Variants in PRMT8 observed in about 807,000 individuals in gnomAD.
The protein encoded by PRMT8 is protein arginine N-methyltransferase 8.
A neutral mutation model predicts 47.1 loss-of-function variants in PRMT8; 7 were observed. The ratio of observed to expected loss-of-function variants is 0.15; its 90% confidence interval spans 0.08 to 0.28. PRMT8 has a LOEUF of 0.28. Ranked by LOEUF, PRMT8 falls within the 10% of genes least tolerant of loss-of-function variation. PRMT8 has a pLI of 1.00. For synonymous variants in PRMT8, 188 were observed against 186.5 expected, an observed-to-expected ratio of 1.01 and a Z score of -0.07; for missense variants, 237 against 505.4, an observed-to-expected ratio of 0.47 and a Z score of 5.09.
intron 1 of PRMT8, among the ~76,000 whole-genome samples, chr12:3,466,719 T>C (rs984739581): frequency 6.6e-6 from 1 of 152,154 alleles, no homozygotes; most frequent in East Asian, 1.9e-4. Context: ...GTTTTATCAA[T>C]CTGTCAAAAC....
chr12:3,397,535 T>C (rs1447573112), intron 1 of PRMT8, among the ~76,000 whole-genome samples: 1 of 151,084 alleles, frequency 6.6e-6, no homozygotes, highest in African/African-American at 2.4e-5. Flanking sequence ...GGGTCAGGGG[T>C]CAGGGACCCA....
intron 1 of PRMT8, among the ~76,000 whole-genome samples, chr12:3,467,011 G>T (rs1030270060): frequency 6.6e-6 from 1 of 152,106 alleles, no homozygotes; most frequent in Non-Finnish European, 1.5e-5. Context: ...GCGGAGGCGG[G>T]TGGATCACGA....
At chr12:3,391,881 T>C (rs1411677062) in intron 1 of PRMT8, among the ~76,000 whole-genome samples, 5 of 152,188 alleles carry the variant, frequency 3.3e-5, no homozygotes, top group Non-Finnish European at 7.4e-5. Flanking sequence ...AGAGGGCAGA[T>C]AAATGCACTC....
chr12:3,426,901 G>A (rs1450398805), intron 1 of PRMT8, among the ~76,000 whole-genome samples: 1 of 152,046 alleles, frequency 6.6e-6, no homozygotes, highest in Admixed American at 6.5e-5. Flanking sequence ...AGGCTGGCTC[G>A]AGTTTTCCTT....
At chr12:3,407,006 G>T (rs1864378840) in intron 1 of PRMT8, among the ~76,000 whole-genome samples, 1 of 152,264 alleles carries the variant, frequency 6.6e-6, no homozygotes, top group East Asian at 1.9e-4. Context: ...AATTTATAAA[G>T]GAAAGAGGTT....
In PRMT8 at chr12:3,396,479, T is replaced by C. The variant is rs539753987; in HGVS notation, c.48+15037T>C. Among the ~76,000 whole-genome samples the C allele has an allele frequency of 2.6e-5, 4 of 152,310 alleles. No homozygotes were observed. In the South Asian group the frequency reaches 8.3e-4, roughly 32 times the overall value. On this transcript the variant is annotated intron_variant, in intron 1 of 9. Coordinates refer to the PRMT8 transcript ENST00000452611. ...TTTCTCCTTCACTTATGAAGCTTAG[T>C]TTGGCTGGATATGAAATTCTGGGTT... is the stretch of plus-strand genomic sequence containing the variant.
At chr12:3,518,230 C>T (rs961005644) in intron 1 of PRMT8, among the ~76,000 whole-genome samples, 2 of 152,020 alleles carry the variant, frequency 1.3e-5, no homozygotes, top group Admixed American at 6.6e-5. Context: ...TAAATCCTTA[C>T]CTAAACTTGA....
At chr12:3,432,389 A>C (rs1565406180) in intron 1 of PRMT8, among the ~76,000 whole-genome samples, 1 of 152,252 alleles carries the variant, frequency 6.6e-6, no homozygotes, top group Admixed American at 6.5e-5. Context: ...CAAGGAACTT[A>C]ACTCTCTTGT....
At chr12:3,381,360 A>G in exon 1 of PRMT8, 2 of 1,533,926 alleles carry the variant, frequency 1.3e-6, no homozygotes, top group Non-Finnish European at 1.7e-6. Context: ...TTTCTGCACC[A>G]GGGAGGCTTG....
At chr12:3,524,529 GT>G (rs1480621495) in intron 1 of PRMT8, among the ~76,000 whole-genome samples, 6 of 151,526 alleles carry the variant, frequency 4.0e-5, no homozygotes, top group Non-Finnish European at 2.9e-5. Context: ...TGTTTTGTGG[GT>G]TCTTATCAGC....
At chr12:3,588,120 C>G (rs1014615991) in intron 8 of PRMT8, among the ~76,000 whole-genome samples, 19 of 152,194 alleles carry the variant, frequency 1.2e-4, no homozygotes, top group Non-Finnish European at 5.9e-5. Flanking sequence ...CAGGTATCAG[C>G]AAGGTAGGCA....
At chr12:3,483,450 G>A (rs933808760) in intron 1 of PRMT8, among the ~76,000 whole-genome samples, 1 of 151,050 alleles carries the variant, frequency 6.6e-6, no homozygotes, top group Non-Finnish European at 1.5e-5. Flanking sequence ...AACCATGATA[G>A]TTTTTTTTTT....
rs1489877968 is a variant in PRMT8, at chr12:3,557,201, T to TC, written c.481+3490dup. Among the ~76,000 whole-genome samples, 1 of 151,926 alleles carries TC rather than the reference T, an allele frequency of 6.6e-6. No homozygotes were observed. Among genetic ancestry groups the TC allele is most frequent in the Admixed American group, 6.6e-5 (1 of 15,266 alleles). On this transcript the variant is annotated intron_variant, in intron 4 of 9. Coordinates refer to ENST00000382622, the MANE Select transcript of PRMT8 (RefSeq NM_019854.5). The surrounding 1 kb of genome is among the most constrained non-coding windows in gnomAD (Gnocchi z 4.7). ...TGTGTGACCATAGAGGCTCAGTGAG[T>TC]CCCATCCTTGCTGTTGTGTGATCTT... is the stretch of plus-strand genomic sequence containing the variant.
chr12:3,508,019 C>G lies in PRMT8; in HGVS notation c.75+16319C>G, dbSNP rs934216292. ...AATAGTCAGATCTGATTTTGGATCT[C>G]ACTTTCATCCCTGTGGGATTATAAA... On this transcript the variant is annotated intron_variant, in intron 1 of 9. Transcript: ENST00000382622. The surrounding 1 kb of genome is among the most constrained non-coding windows in gnomAD (Gnocchi z 4.9). Among the ~76,000 whole-genome samples, 1 of 152,140 alleles carries G rather than the reference C, an allele frequency of 6.6e-6. No homozygotes were observed. The highest frequency in any genetic ancestry group is 1.5e-5 in the Non-Finnish European group (1 of 68,018).
chr12:3,439,618 A>G (rs1326080366), intron 1 of PRMT8, among the ~76,000 whole-genome samples: 1 of 152,170 alleles, frequency 6.6e-6, no homozygotes, highest in Non-Finnish European at 1.5e-5. Context: ...TCACTATACA[A>G]TGTACACTTT....
intron 1 of PRMT8, among the ~76,000 whole-genome samples, chr12:3,439,747 TTA>T (rs1864779210): frequency 6.6e-6 from 1 of 152,198 alleles, no homozygotes; most frequent in Admixed American, 6.5e-5. Flanking sequence ...GGGCTCAACT[TTA>T]ACCTAACGGG....
intron 1 of PRMT8, among the ~76,000 whole-genome samples, chr12:3,412,390 C>G (rs1864440119): frequency 6.6e-6 from 1 of 152,206 alleles, no homozygotes. Flanking sequence ...GTGAACTTTA[C>G]AAACACTACA....
chr12:3,486,385 C>A (rs920388244), upstream of PRMT8, among the ~76,000 whole-genome samples: 3 of 152,156 alleles, frequency 2.0e-5, no homozygotes, highest in Non-Finnish European at 2.9e-5. Context: ...ATTTAACCAA[C>A]TCTTCCTGGA....
intron 1 of PRMT8, among the ~76,000 whole-genome samples, chr12:3,507,122 T>C (rs903240020): frequency 2.8e-4 from 42 of 147,560 alleles, no homozygotes; most frequent in South Asian, 8.8e-4. Context: ...GCCTTTCTTT[T>C]TTTTTTTTTT....
Sources: allele counts gnomAD v4.1 joint callset (sites outside exome capture counted in the v4.1 genomes callset), GRCh38; gene constraint gnomAD v4.1.1; non-coding constraint Gnocchi (gnomAD v3.1); transcripts MANE v1.5; gene names NCBI Gene and HGNC (gene_info 2026-07-23, HGNC 2026-07-21).